CFAP47: variants seen among roughly 807,000 people sequenced by gnomAD.
CFAP47 encodes the protein cilia and flagella associated protein 47, also known as cilia- and flagella-associated protein 47.
A neutral mutation model predicts 148.1 loss-of-function variants in CFAP47; 29 were observed. That is an observed-to-expected ratio of 0.20 (90% CI 0.15 to 0.27). The LOEUF (loss-of-function observed/expected upper bound fraction) is 0.27, where lower values mean the gene tolerates loss of function less well. CFAP47 is among the 10% of genes least tolerant of loss of function. CFAP47 has a pLI of 1.00. For missense variants in CFAP47, 1,872 were observed against 1,697.5 expected, an observed-to-expected ratio of 1.10 and a Z score of -1.81; for synonymous variants, 664 against 577.3, an observed-to-expected ratio of 1.15 and a Z score of -2.15.
chrX:36,032,318 C>T (rs760373675), intron 23 of CFAP47, among the ~76,000 whole-genome samples: 38 of 108,812 alleles, frequency 3.5e-4, no homozygotes, highest in Non-Finnish European at 5.8e-4. Flanking sequence ...AAAAAAAAAA[C>T]GTGACTCTAA....
chrX:36,191,715 G>C (rs1939867381), intron 42 of CFAP47, among the ~76,000 whole-genome samples: 1 of 111,403 alleles, frequency 9.0e-6, no homozygotes, highest in African/African-American at 3.3e-5. Flanking sequence ...CGGGCGCAGT[G>C]ACTCAAGCCT....
chrX:36,265,331 A>G (rs782492748), intron 49 of CFAP47, among the ~76,000 whole-genome samples: 1 of 111,992 alleles, frequency 8.9e-6, no homozygotes, highest in East Asian at 2.8e-4. Context: ...TTTTCTGAGT[A>G]TAGAATCATA....
At chrX:35,960,254 C>T (rs1179144889) in intron 8 of CFAP47, among the ~76,000 whole-genome samples, 1 of 106,576 alleles carries the variant, frequency 9.4e-6, no homozygotes, top group Non-Finnish European at 1.9e-5. Context: ...ATTACTGCAG[C>T]TTTATGGTAT....
chrX:36,355,837 T>A (rs1941781350), intron 60 of CFAP47, among the ~76,000 whole-genome samples: 1 of 111,876 alleles, frequency 8.9e-6, no homozygotes, highest in South Asian at 3.7e-4. Flanking sequence ...AAATGCACTT[T>A]AAAAATATTA....
At chrX:36,234,488 G>T (rs1555993610) in intron 46 of CFAP47, among the ~76,000 whole-genome samples, 1 of 111,678 alleles carries the variant, frequency 9.0e-6, no homozygotes, top group East Asian at 2.8e-4. Flanking sequence ...GCACTTCTCT[G>T]TATTGGTTTT....
At chrX:36,133,098 T>G (rs1227439130) in intron 33 of CFAP47, among the ~76,000 whole-genome samples, 1 of 111,331 alleles carries the variant, frequency 9.0e-6, no homozygotes, top group South Asian at 3.8e-4. Flanking sequence ...GTTAGGGTGA[T>G]TGGCGTATTG....
chrX:36,356,143 C>T (rs1288102049), intron 60 of CFAP47, among the ~76,000 whole-genome samples: 1 of 111,548 alleles, frequency 9.0e-6, no homozygotes, highest in African/African-American at 3.3e-5. Flanking sequence ...GAAAATATAC[C>T]TTTTGATATG....
intron 21 of CFAP47, among the ~76,000 whole-genome samples, chrX:36,003,584 A>G (rs975784684): frequency 6.4e-5 from 7 of 110,067 alleles, no homozygotes; most frequent in African/African-American, 2.3e-4. Flanking sequence ...TTTTTTTTTA[A>G]AAAATATTAA....
rs186520011 is a variant in CFAP47 at position 36,333,349 on chromosome X, A to G, written c.8443+14042A>G. Among the ~76,000 whole-genome samples the G allele has an allele frequency of 1.8e-3, 195 of 110,144 alleles. 1 individual carries two copies. The highest frequency in any genetic ancestry group is 5.8e-3 in the African/African-American group (177 of 30,300). ...ACATCAACTTATCTGAACTTTCTCT[A>G]TACTTTCTTGGAACCTGACTCTTCC... On this transcript the variant is annotated intron_variant, in intron 57 of 63. Transcript: ENST00000378653.
intron 49 of CFAP47, among the ~76,000 whole-genome samples, chrX:36,265,022 A>ACTT (rs57850103): frequency 0.35 from 38,667 of 110,492 alleles, 7,676 homozygotes; most frequent in African/African-American, 0.76. Context: ...TTTTAATAAG[A>ACTT]CTTCTTCCTG....
In CFAP47 at chrX:35,919,738, G is replaced by C. The variant is rs960641259; in HGVS notation, c.-62G>C. On this transcript the variant is annotated 5_prime_UTR_variant, in exon 1 of 64. Coordinates refer to ENST00000378653, the MANE Select transcript of CFAP47 (RefSeq NM_001304548.2). ...GTCTGATGGTTGCCTAGCGACGGTCGTCGACGCTAATCCTTGGCCGGACGG... is the reference window on the plus strand; with the variant it reads ...GTCTGATGGTTGCCTAGCGACGGTCCTCGACGCTAATCCTTGGCCGGACGG... 2.2e-5 allele frequency: 25 copies of C among 1,134,274 alleles called. No individual in the cohort carries two copies. In the East Asian group the frequency reaches 7.6e-4, roughly 34 times the overall value. The allele number at this position is 1,134,274 out of a possible 1,213,427, so 93.5% of individuals were successfully genotyped here.
chrX:36,287,392 G>A (rs376829913), intron 51 of CFAP47, among the ~76,000 whole-genome samples: 2 of 110,724 alleles, frequency 1.8e-5, no homozygotes, highest in Non-Finnish European at 3.8e-5. Flanking sequence ...TGTGTAACTC[G>A]TCTTACGCAC....
chrX:36,092,767 T>C (rs1017236082), intron 30 of CFAP47, among the ~76,000 whole-genome samples: 1 of 110,792 alleles, frequency 9.0e-6, no homozygotes, highest in African/African-American at 3.3e-5. Flanking sequence ...AATCTATGTA[T>C]ACTATCATTA....
intron 49 of CFAP47, among the ~76,000 whole-genome samples, chrX:36,268,084 T>C (rs1556001323): frequency 8.9e-6 from 1 of 112,957 alleles, no homozygotes; most frequent in Non-Finnish European, 1.9e-5. Flanking sequence ...TTTGTGTAAA[T>C]AGATCTACAA....
At chrX:35,999,772 G>T in intron 19 of CFAP47, among the ~76,000 whole-genome samples, 1 of 111,668 alleles carries the variant, frequency 9.0e-6, no homozygotes, top group Non-Finnish European at 1.9e-5. Context: ...GAAATACCAA[G>T]TCATACAGCT....
intron 33 of CFAP47, among the ~76,000 whole-genome samples, chrX:36,131,733 T>C (rs1184025290): frequency 9.0e-6 from 1 of 111,253 alleles, no homozygotes; most frequent in Non-Finnish European, 1.9e-5. Flanking sequence ...TTATGCTAAA[T>C]AAAAGACAAC....
chrX:36,166,713 T>C (rs1015109738), intron 39 of CFAP47, among the ~76,000 whole-genome samples: 1 of 111,592 alleles, frequency 9.0e-6, no homozygotes, highest in Admixed American at 9.6e-5. Context: ...TTATGCCAAT[T>C]CTAGATATGT....
chrX:36,111,816 A>T (rs73472805), intron 33 of CFAP47, among the ~76,000 whole-genome samples: 2,930 of 111,651 alleles, frequency 0.026, 95 homozygotes, highest in African/African-American at 0.091. Context: ...GGGATTCAAT[A>T]TCTTCCTAGG....
chrX:36,047,120 T>G, intron 26 of CFAP47, 57 bp downstream of exon 26: 1 of 759,569 alleles, frequency 1.3e-6, no homozygotes. Flanking sequence ...AACATATTTA[T>G]ATTTTACACC....
Sources: allele counts gnomAD v4.1 joint callset (sites outside exome capture counted in the v4.1 genomes callset), GRCh38; gene constraint gnomAD v4.1.1; transcripts MANE v1.5; gene names NCBI Gene and HGNC (gene_info 2026-07-23, HGNC 2026-07-21).